Variants in PHF21B observed in about 807,000 individuals in gnomAD.
The protein encoded by PHF21B is PHD finger protein 21B.
In PHF21B, 22 loss-of-function variants were observed where a neutral mutation model predicts 62.2. The ratio of observed to expected loss-of-function variants is 0.35; its 90% CI spans 0.25 to 0.51. PHF21B has a LOEUF of 0.51. PHF21B is among the 20% of genes least tolerant of loss of function. The pLI, the probability that PHF21B is intolerant of heterozygous loss-of-function variation, is 0.97. For synonymous variants in PHF21B, 341 were observed against 314.7 expected, an observed-to-expected ratio of 1.08 and a Z score of -0.88; for missense variants, 701 against 707.9, an observed-to-expected ratio of 0.99 and a Z score of 0.11.
At chr22:44,961,418 C>T (rs767766926) in intron 2 of PHF21B, among the ~76,000 whole-genome samples, 10 of 152,168 alleles carry the variant, frequency 6.6e-5, no homozygotes, top group Non-Finnish European at 1.3e-4. Context: ...CCCTCCTTCC[C>T]TCTCTGCTCT....
At chr22:44,903,737 T>A (rs2071201444) in intron 5 of PHF21B, among the ~76,000 whole-genome samples, 1 of 152,240 alleles carries the variant, frequency 6.6e-6, no homozygotes. Context: ...GTTGCTATGG[T>A]ACACTTAAGT....
intron 2 of PHF21B, among the ~76,000 whole-genome samples, chr22:44,946,633 G>A (rs1441938463): frequency 6.6e-6 from 1 of 151,612 alleles, no homozygotes; most frequent in Non-Finnish European, 1.5e-5. Flanking sequence ...ATGGGTGGAT[G>A]GATGGATGGG....
intron 2 of PHF21B, among the ~76,000 whole-genome samples, chr22:44,961,884 A>G (rs1248187462): frequency 7.1e-6 from 1 of 141,092 alleles, no homozygotes; most frequent in Non-Finnish European, 1.6e-5. Context: ...AAATAAATAA[A>G]TAAATAAATA....
chr22:44,998,066 G>A (rs35129517), intron 2 of PHF21B, among the ~76,000 whole-genome samples: 5,599 of 152,356 alleles, frequency 0.037, 152 homozygotes, highest in South Asian at 0.11. Flanking sequence ...AGAAGGTGAA[G>A]AAACTTACCC....
chr22:44,927,927 C>G (rs2071664338), intron 2 of PHF21B, among the ~76,000 whole-genome samples: 1 of 152,162 alleles, frequency 6.6e-6, no homozygotes, highest in Non-Finnish European at 1.5e-5. Flanking sequence ...AAGATAACTT[C>G]AAATTCTTCC....
intron 2 of PHF21B, among the ~76,000 whole-genome samples, chr22:44,977,234 T>A (rs1241966129): frequency 2.0e-5 from 2 of 98,106 alleles, no homozygotes; most frequent in Non-Finnish European, 4.5e-5. Context: ...ATTCCCAGAC[T>A]TTTTTTTTAA....
intron 5 of PHF21B, among the ~76,000 whole-genome samples, chr22:44,908,178 G>T (rs5766177): frequency 6.6e-6 from 1 of 152,030 alleles, no homozygotes. Context: ...CAGAGATGGC[G>T]TCTCCAGTGG....
chr22:44,905,375 T>C (rs1431128852), intron 5 of PHF21B, among the ~76,000 whole-genome samples: 1 of 152,252 alleles, frequency 6.6e-6, no homozygotes, highest in Non-Finnish European at 1.5e-5. Context: ...CTCGAATTTT[T>C]ATGTTCATCT....
intron 2 of PHF21B, among the ~76,000 whole-genome samples, chr22:44,979,528 T>G (rs2072799441): frequency 6.6e-6 from 1 of 152,188 alleles, no homozygotes; most frequent in Admixed American, 6.5e-5. Context: ...GGTTGTCTCA[T>G]GTCTGCCCAG....
chr22:44,929,261 T>A (rs1323874950), intron 2 of PHF21B, among the ~76,000 whole-genome samples: 2 of 152,240 alleles, frequency 1.3e-5, no homozygotes, highest in East Asian at 3.8e-4. Context: ...GCCGCCTTTA[T>A]CACTGTCAGG....
At chr22:44,907,308 A>T (rs1409158210) in intron 5 of PHF21B, among the ~76,000 whole-genome samples, 1 of 152,224 alleles carries the variant, frequency 6.6e-6, no homozygotes, top group Non-Finnish European at 1.5e-5. Flanking sequence ...TGGGGATGTG[A>T]GGTCACGGCC....
At chr22:44,975,761 G>A (rs1347710521) in intron 2 of PHF21B, among the ~76,000 whole-genome samples, 6 of 152,380 alleles carry the variant, frequency 3.9e-5, no homozygotes, top group African/African-American at 1.4e-4. Flanking sequence ...CAGGGCTCTT[G>A]GGGCCAGCGG....
chr22:44,980,009 C>T (rs944813112), intron 2 of PHF21B, among the ~76,000 whole-genome samples: 5 of 130,354 alleles, frequency 3.8e-5, no homozygotes, highest in Non-Finnish European at 6.2e-5. Context: ...ACAGAGGCTA[C>T]AGTGAGCTAA....
intron 2 of PHF21B, among the ~76,000 whole-genome samples, chr22:44,999,047 A>G (rs2073167415): frequency 1.3e-5 from 2 of 152,202 alleles, no homozygotes; most frequent in South Asian, 2.1e-4. Context: ...CACAAGTGCC[A>G]AGCCAAAGTA....
intron 2 of PHF21B, 80 bp downstream of exon 2, chr22:45,008,465 T>G: frequency 7.4e-7 from 1 of 1,356,724 alleles, no homozygotes; most frequent in Non-Finnish European, 9.9e-7. Context: ...TCGCCCAGGC[T>G]GGCACTTTTT....
intron 2 of PHF21B, among the ~76,000 whole-genome samples, chr22:44,938,541 T>C (rs1601620417): frequency 6.6e-6 from 1 of 152,216 alleles, no homozygotes; most frequent in African/African-American, 2.4e-5. Context: ...AAAATCTATA[T>C]ATTTTAAGAA....
At position 45,009,531 on chromosome 22, in the gene PHF21B, G is replaced by T. The variant is rs1194480202; in HGVS notation, c.19C>A (p.Pro7Thr). The T allele has an allele frequency of 7.0e-6, 11 of 1,572,580 alleles. No individual in the cohort carries two copies. The East Asian group carries it at 2.5e-4, about 36-fold the overall frequency. MELQSR[P>T]EALAVELARH... ...GCGAGTTCCACGGCGAGCGCCTCGG[G>T]CCGGCTCTGCAGCTCCATCCCGGCA... The change falls in exon 1 of 13, where the codon CCC (proline) becomes ACC (threonine). Residue 7 changes from proline (P) to threonine (T), a missense_variant. Physicochemically the swap from Pro to Thr is conservative, Grantham distance 38 (BLOSUM62 -1). Transcript: ENST00000313237. The surrounding 1 kb of genome is among the most constrained non-coding windows in gnomAD (Gnocchi z 5.9).
At chr22:44,967,405 TAG>T (rs2072549685) in intron 2 of PHF21B, among the ~76,000 whole-genome samples, 1 of 152,014 alleles carries the variant, frequency 6.6e-6, no homozygotes, top group African/African-American at 2.4e-5. Flanking sequence ...GTATTTTTAG[TAG>T]AGACGGGGTT....
intron 2 of PHF21B, chr22:44,933,475 C>T (rs1002325927): frequency 3.0e-6 from 3 of 985,390 alleles, no homozygotes; most frequent in Admixed American, 6.1e-5. Flanking sequence ...ACACCTACCC[C>T]GTGCTGGGTC....
Sources: allele counts gnomAD v4.1 joint callset (sites outside exome capture counted in the v4.1 genomes callset), GRCh38; gene constraint gnomAD v4.1.1; non-coding constraint Gnocchi (gnomAD v3.1); transcripts MANE v1.5; gene names NCBI Gene and HGNC (gene_info 2026-07-23, HGNC 2026-07-21).